Variants in XIRP2 observed in about 807,000 individuals in gnomAD.
The protein encoded by XIRP2 is xin actin-binding repeat-containing protein 2.
In XIRP2, 236 loss-of-function variants were observed where a neutral mutation model predicts 277.0. The observed-to-expected ratio is 0.85, with a 90% CI of 0.77 to 0.95. The LOEUF is 0.95. Among genes scored for constraint, XIRP2 ranks in the 40% least tolerant of loss-of-function variants. The probability of loss-of-function intolerance (pLI) is 0.00; values close to 1 mark genes in which losing one functional copy is unlikely to be tolerated. For missense variants in XIRP2, 4,640 were observed against 4,157.5 expected, an observed-to-expected ratio of 1.12 and a Z score of -3.19; for synonymous variants, 1,490 against 1,416.5, an observed-to-expected ratio of 1.05 and a Z score of -1.17.
Position 166,999,916 on chromosome 2 carries a change from A to T in XIRP2, c.408+96026A>T, listed in dbSNP as rs148885703. Among the ~76,000 whole-genome samples the T allele has an allele frequency of 7.0e-3, 1,070 of 152,294 alleles. 3 individuals carry two copies. The highest frequency in any genetic ancestry group is 0.011 in the Admixed American group (167 of 15,282). Reference sequence around the variant, plus strand: ...TCCTTGTAGCTAGAAGAAAATTATTATAAGAAAAAAATATTTATCCTGTAG... The same window carrying T: ...TCCTTGTAGCTAGAAGAAAATTATTTTAAGAAAAAAATATTTATCCTGTAG... On this transcript the variant is annotated intron_variant, in intron 2 of 10. Coordinates refer to ENST00000409195, the MANE Select transcript of XIRP2 (RefSeq NM_152381.6).
chr2:167,152,809 C>A (rs569653433), intron 3 of XIRP2, among the ~76,000 whole-genome samples: 1 of 152,074 alleles, frequency 6.6e-6, no homozygotes, highest in Non-Finnish European at 1.5e-5. Context: ...TCCACCACTC[C>A]AAGGAATCAC....
At chr2:167,064,278 A>T (rs1689244900) in intron 2 of XIRP2, among the ~76,000 whole-genome samples, 1 of 151,722 alleles carries the variant, frequency 6.6e-6, no homozygotes, top group Non-Finnish European at 1.5e-5. Flanking sequence ...TCTTTGTTTA[A>T]TTGTATAGTG....
chr2:167,100,528 A>G (rs1487082195), intron 2 of XIRP2, among the ~76,000 whole-genome samples: 1 of 152,196 alleles, frequency 6.6e-6, no homozygotes, highest in Non-Finnish European at 1.5e-5. Context: ...GCTAACTAGT[A>G]TTTCCCCTTG....
chr2:166,925,589 G>GTATATATATATATATATATATATA (rs1470366389), intron 2 of XIRP2, among the ~76,000 whole-genome samples: 2 of 106,008 alleles, frequency 1.9e-5, no homozygotes, highest in Admixed American at 1.9e-4. Flanking sequence ...GTGTGTATGT[G>GTATATATATATATATATATATATA]TATATACATA....
At position 167,258,513 on chromosome 2, in the gene XIRP2, T is replaced by C. The variant is rs369028960; in HGVS notation, c.*696T>C. ...ACAAAGAGTAACAGGAAAAGTGCTA[T>C]GGATCTTAATGACAACAATAATGTG... On this transcript the variant is annotated 3_prime_UTR_variant, in exon 11 of 11. Coordinates refer to ENST00000409195, the MANE Select transcript of XIRP2 (RefSeq NM_152381.6). 2 of 1,613,052 alleles carry C rather than the reference T, an allele frequency of 1.2e-6. No homozygotes were observed. Among genetic ancestry groups the C allele is most frequent in the African/African-American group, 2.7e-5 (2 of 74,830 alleles).
rs370504310 is a variant in XIRP2, at chr2:167,243,577, G to A, written c.2185G>A (p.Val729Ile). The A allele has an allele frequency of 2.5e-6, 4 of 1,613,838 alleles. No homozygotes were observed. Among genetic ancestry groups the A allele is most frequent in the East Asian group, 2.2e-5 (1 of 44,874 alleles). ...RSELKEIKGN[V>I]KRSIKCFETQ... Reference sequence around the variant, plus strand: ...TGAGCTCAAAGAAATTAAGGGAAATGTTAAAAGAAGTATAAAATGTTTCGA... The same window carrying A: ...TGAGCTCAAAGAAATTAAGGGAAATATTAAAAGAAGTATAAAATGTTTCGA... Residue 729 changes from valine to isoleucine, a missense_variant, in exon 9 of 11, where the codon GTT becomes ATT. Physicochemically the swap from Val to Ile is conservative, Grantham distance 29. Coordinates refer to ENST00000409195, the MANE Select transcript of XIRP2 (RefSeq NM_152381.6).
At chr2:167,153,040 T>C (rs114892441) in intron 3 of XIRP2, among the ~76,000 whole-genome samples, 2,706 of 152,240 alleles carry the variant, frequency 0.018, 81 homozygotes, top group African/African-American at 0.062. Context: ...TATGATTTAT[T>C]TGTTTGCCTT....
intron 2 of XIRP2, among the ~76,000 whole-genome samples, chr2:167,118,550 G>A (rs1045363163): frequency 7.0e-6 from 1 of 142,422 alleles, no homozygotes; most frequent in Non-Finnish European, 1.5e-5. Context: ...GATGGAAGAA[G>A]ATTACTTCCT....
chr2:166,956,549 G>C (rs188091758), intron 2 of XIRP2, among the ~76,000 whole-genome samples: 18 of 151,962 alleles, frequency 1.2e-4, no homozygotes, highest in Admixed American at 9.8e-4. Flanking sequence ...AAACCCAACA[G>C]ATCCTGAGAA....
intron 2 of XIRP2, among the ~76,000 whole-genome samples, chr2:167,079,423 G>A (rs957071173): frequency 6.6e-6 from 1 of 152,158 alleles, no homozygotes; most frequent in Non-Finnish European, 1.5e-5. Flanking sequence ...GCTCTTCTTT[G>A]TACGTCTGGT....
intron 1 of XIRP2, among the ~76,000 whole-genome samples, chr2:166,893,296 G>T (rs748375985): frequency 1.3e-5 from 2 of 151,928 alleles, no homozygotes; most frequent in African/African-American, 2.4e-5. Flanking sequence ...TGATAAAGAT[G>T]GCATTTATTT....
chr2:167,167,264 G>A (rs1166798023), intron 3 of XIRP2, among the ~76,000 whole-genome samples: 3 of 151,898 alleles, frequency 2.0e-5, no homozygotes, highest in Non-Finnish European at 2.9e-5. Context: ...ATATAGTCAG[G>A]TCTTATTTTT....
intron 2 of XIRP2, among the ~76,000 whole-genome samples, chr2:166,911,546 G>A (rs916351459): frequency 9.2e-5 from 14 of 152,084 alleles, no homozygotes; most frequent in Non-Finnish European, 1.6e-4. Flanking sequence ...AACCTGATGG[G>A]TCTTGACTCT....
chr2:167,044,138 G>A (rs1688732760), intron 2 of XIRP2, among the ~76,000 whole-genome samples: 1 of 151,992 alleles, frequency 6.6e-6, no homozygotes, highest in African/African-American at 2.4e-5. Context: ...ATCTATAAAT[G>A]TGATTCATCA....
At chr2:167,210,675 G>A (rs952250895) in intron 3 of XIRP2, 60 bp from the exon 4 acceptor site, 2 of 1,585,530 alleles carry the variant, frequency 1.3e-6, no homozygotes, top group African/African-American at 2.7e-5. Context: ...TTTATAAGGT[G>A]ATGCTGTTTT....
intron 2 of XIRP2, among the ~76,000 whole-genome samples, chr2:166,951,360 G>A (rs531147741): frequency 6.6e-6 from 1 of 151,946 alleles, no homozygotes; most frequent in East Asian, 2.0e-4. Context: ...AAGGCAAAGA[G>A]GGAACAAGCA....
At chr2:166,908,389 GT>G (rs1684589648) in intron 2 of XIRP2, among the ~76,000 whole-genome samples, 1 of 152,152 alleles carries the variant, frequency 6.6e-6, no homozygotes, top group Admixed American at 6.5e-5. Flanking sequence ...TTTTTCATGT[GT>G]GTGTTGGCTG....
chr2:167,251,205 T>G lies in XIRP2; in HGVS notation c.9813T>G (p.Tyr3271Ter). The G allele has an allele frequency of 6.2e-7, 1 of 1,613,548 alleles. No individual in the cohort carries two copies. The highest frequency in any genetic ancestry group is 8.5e-7 in the Non-Finnish European group (1 of 1,179,696). ...EIRKVEKRAT[Y>*]VHKDGLNSTD... ...GGAAAGTGGAGAAGAGAGCTACTTA[T>G]GTTCATAAAGATGGACTAAATTCCA... Residue 3271 changes from tyrosine to a stop codon, truncating the protein, a stop_gained, in exon 9 of 11, where the codon TAT becomes TAG. Coordinates refer to ENST00000409195, the MANE Select transcript of XIRP2 (RefSeq NM_152381.6). LOFTEE classifies it high-confidence loss of function.
In XIRP2 at chr2:167,182,287, T is replaced by A. The variant is rs574155121; in HGVS notation, c.563-28448T>A. Among the ~76,000 whole-genome samples the A allele has an allele frequency of 2.0e-5, 3 of 152,314 alleles. No individual in the cohort carries two copies. In the South Asian group the frequency reaches 6.2e-4, roughly 32 times the overall value. On this transcript the variant is annotated intron_variant, in intron 3 of 10. Coordinates refer to ENST00000409195, the MANE Select transcript of XIRP2 (RefSeq NM_152381.6). Reference sequence around the variant, plus strand: ...TATGCTAGCTAATAATATGAAACTTTCATATTCATATGTTTGCTCTTTAAT... The same window carrying A: ...TATGCTAGCTAATAATATGAAACTTACATATTCATATGTTTGCTCTTTAAT...
Sources: allele counts gnomAD v4.1 joint callset (sites outside exome capture counted in the v4.1 genomes callset), GRCh38; gene constraint gnomAD v4.1.1; transcripts MANE v1.5; gene names NCBI Gene and HGNC (gene_info 2026-07-23, HGNC 2026-07-21).